THEMIS: variants seen among roughly 807,000 people sequenced by gnomAD.
THEMIS encodes the protein protein THEMIS.
THEMIS carries 37 observed loss-of-function variants against 52.6 expected under a neutral mutation model. That is an observed-to-expected ratio of 0.70 (90% CI 0.54 to 0.93). The LOEUF (loss-of-function observed/expected upper bound fraction) is 0.93, where lower values mean the gene tolerates loss of function less well. THEMIS is among the 40% of genes least tolerant of loss of function. The pLI, the probability that THEMIS is intolerant of heterozygous loss-of-function variation, is 0.00. For synonymous variants in THEMIS, 292 were observed against 272.7 expected (o/e 1.07, Z -0.70); for missense variants, 808 against 763.1 (o/e 1.06, Z -0.69).
At chr6:127,783,009 C>A (rs1776801146) in intron 4 of THEMIS, among the ~76,000 whole-genome samples, 1 of 152,064 alleles carries the variant, frequency 6.6e-6, no homozygotes, top group Non-Finnish European at 1.5e-5. Flanking sequence ...CTATAGTAAC[C>A]AGAACAGCAT....
At position 127,887,938 on chromosome 6, in the gene THEMIS, C is replaced by A. The variant is rs73773932; in HGVS notation, c.91+12904G>T. On this transcript the variant is annotated intron_variant, in intron 1 of 5. Transcript: ENST00000368248. ...CTTATACGTAAGAAAGAGCTAGGTG[C>A]TTCAGTACAGAGGAAAATGAAGACC... Among the ~76,000 whole-genome samples the A allele has an allele frequency of 4.9e-3, 751 of 152,106 alleles. 4 individuals carry two copies. The highest frequency in any genetic ancestry group is 0.017 in the African/African-American group (711 of 41,520).
At chr6:127,700,621 G>A in the THEMIS span, among the ~76,000 whole-genome samples, 65 of 152,010 alleles carry the variant, frequency 4.3e-4, no homozygotes, top group African/African-American at 1.4e-3. Flanking sequence ...ATAAATATAA[G>A]AAAATATTTA....
At chr6:127,723,145 C>T (rs1245268921) in intron 4 of THEMIS, among the ~76,000 whole-genome samples, 1 of 152,036 alleles carries the variant, frequency 6.6e-6, no homozygotes, top group Non-Finnish European at 1.5e-5. Flanking sequence ...ATTTGTGGAC[C>T]TCACTGGGAT....
rs553256901 is a variant in THEMIS at position 127,825,746 on chromosome 6, A to C, written c.709+3730T>G. Among the ~76,000 whole-genome samples the C allele has an allele frequency of 1.4e-4, 21 of 152,302 alleles. 1 individual carries two copies. In the East Asian group the frequency reaches 3.7e-3, roughly 27 times the overall value. ...CGAAGAGTTACAAAGGAATACATTC[A>C]GGAAAATAAATTAATAGAAAAGGTA... On this transcript the variant is annotated intron_variant, in intron 3 of 5. Coordinates refer to ENST00000368248, the MANE Select transcript of THEMIS (RefSeq NM_001010923.3).
At chr6:127,906,300 A>G (rs985874077) in intron 1 of THEMIS, among the ~76,000 whole-genome samples, 2 of 151,900 alleles carry the variant, frequency 1.3e-5, no homozygotes, top group African/African-American at 2.4e-5. Context: ...TAATAATGAA[A>G]GGGTGACCAA....
intron 1 of THEMIS, among the ~76,000 whole-genome samples, chr6:127,873,367 G>A (rs2114392820): frequency 6.6e-6 from 1 of 152,200 alleles, no homozygotes; most frequent in African/African-American, 2.4e-5. Context: ...AAGGAGGTAG[G>A]AATTCAACTA....
rs899798479 is a variant in THEMIS, at chr6:127,708,409, G to A, written c.*1576C>T. The A allele has an allele frequency of 6.6e-6, 1 of 151,978 alleles. No homozygotes were observed. Among genetic ancestry groups the A allele is most frequent in the Non-Finnish European group, 1.5e-5 (1 of 67,982 alleles). The allele number at this position is 151,978 out of a possible 1,614,324, so 9.4% of individuals were successfully genotyped here. On this transcript the variant is annotated 3_prime_UTR_variant, in exon 6 of 6. Coordinates refer to ENST00000368248, the MANE Select transcript of THEMIS (RefSeq NM_001010923.3). Reference sequence around the variant, plus strand: ...TCTCTTAATTTTCTAATCAAAGAATGGTAGTTACTAAAAGTACAAATTTAA... The same window carrying A: ...TCTCTTAATTTTCTAATCAAAGAATAGTAGTTACTAAAAGTACAAATTTAA...
chr6:127,875,148 G>A (rs181013507), intron 1 of THEMIS, among the ~76,000 whole-genome samples: 35 of 152,306 alleles, frequency 2.3e-4, no homozygotes, highest in African/African-American at 6.7e-4. Flanking sequence ...TGTCTTTCAC[G>A]AAACCAGTCC....
At position 127,719,724 on chromosome 6, in the gene THEMIS, T is replaced by C. The variant is rs1774297293; in HGVS notation, c.1858A>G (p.Lys620Glu). 8.1e-6 allele frequency: 13 copies of C among 1,612,216 alleles called. No individual in the cohort carries two copies. In the East Asian group the frequency reaches 1.3e-4, roughly 17 times the overall value. The stretch of plus-strand genomic sequence containing the variant: ...GTGGCCCCACGGTTGCTCCTTTCTT[T>C]CTCTTCATCCACCAAATCATTCTGA... ...GSQNDLVDEE[K>E]ERSNRGATAI... Residue 620 changes from lysine (K) to glutamate (E), a missense_variant, in exon 5 of 6, where the codon AAA becomes GAA. Coordinates refer to ENST00000368248, the MANE Select transcript of THEMIS (RefSeq NM_001010923.3).
chr6:127,697,656 TCAAGTCTTTTG>T, the THEMIS span, among the ~76,000 whole-genome samples: 2,898 of 152,286 alleles, frequency 0.019, 46 homozygotes, highest in Non-Finnish European at 0.029. Context: ...TGTTTTGACT[TCAAGTCTTTTG>T]CAATTGTTAA....
At chr6:127,759,853 TCCC>T (rs1562240026) in intron 4 of THEMIS, among the ~76,000 whole-genome samples, 21 of 78,524 alleles carry the variant, frequency 2.7e-4, no homozygotes, top group African/African-American at 9.1e-4. Flanking sequence ...CCTCCCTCCC[TCCC>T]TCCTTCCTTC....
chr6:127,880,689 C>G (rs539663459), intron 1 of THEMIS, among the ~76,000 whole-genome samples: 1 of 151,758 alleles, frequency 6.6e-6, no homozygotes, highest in Non-Finnish European at 1.5e-5. Flanking sequence ...AAAACCAACC[C>G]TTCTAATGTA....
intron 1 of THEMIS, among the ~76,000 whole-genome samples, chr6:127,912,677 C>G (rs1256278560): frequency 4.6e-5 from 7 of 152,170 alleles, no homozygotes; most frequent in African/African-American, 1.7e-4. Context: ...TCTCAAACCT[C>G]TTAATCTGGA....
At chr6:127,777,918 T>C (rs2114468816) in intron 4 of THEMIS, among the ~76,000 whole-genome samples, 1 of 152,222 alleles carries the variant, frequency 6.6e-6, no homozygotes, top group Admixed American at 6.5e-5. Context: ...CCCCAATATA[T>C]GAATCACAAG....
chr6:127,912,758 G>A (rs1045622622), intron 1 of THEMIS, among the ~76,000 whole-genome samples: 9 of 152,134 alleles, frequency 5.9e-5, no homozygotes, highest in Non-Finnish European at 7.3e-5. Flanking sequence ...AAGTTTAAAG[G>A]TGTTAAGCAA....
At chr6:127,802,155 T>G (rs1018235896) in intron 4 of THEMIS, among the ~76,000 whole-genome samples, 1 of 152,158 alleles carries the variant, frequency 6.6e-6, no homozygotes, top group African/African-American at 2.4e-5. Flanking sequence ...TGGTTTAATG[T>G]AAAGGAAAAG....
upstream of THEMIS, among the ~76,000 whole-genome samples, chr6:127,903,653 T>C (rs982531344): frequency 2.0e-5 from 3 of 151,456 alleles, no homozygotes; most frequent in African/African-American, 7.3e-5. Context: ...TTCTGAGTAG[T>C]AATTGAAGGA....
chr6:127,810,174 A>C (rs1390738147), intron 4 of THEMIS, among the ~76,000 whole-genome samples: 1 of 152,096 alleles, frequency 6.6e-6, no homozygotes, highest in Non-Finnish European at 1.5e-5. Flanking sequence ...AATGCCTGGC[A>C]AAGGACAATT....
chr6:127,802,370 T>G (rs1777565433), intron 4 of THEMIS, among the ~76,000 whole-genome samples: 1 of 152,188 alleles, frequency 6.6e-6, no homozygotes, highest in Admixed American at 6.5e-5. Flanking sequence ...GTCACTCAAC[T>G]ACAAAATTTA....
Sources: gnomAD v4.1 joint callset for allele counts (sites outside exome capture counted in the v4.1 genomes callset) on GRCh38, gnomAD v4.1.1 for gene constraint, MANE v1.5 for transcripts, NCBI Gene and HGNC (gene_info 2026-07-23, HGNC 2026-07-21) for gene names.